STK26: variants seen among roughly 807,000 people sequenced by gnomAD.
STK26 encodes the protein serine/threonine kinase 26.
STK26 carries 14 observed loss-of-function variants against 34.7 expected under a neutral mutation model. The observed-to-expected ratio is 0.40, with a 90% confidence interval of 0.27 to 0.63. STK26 has a LOEUF of 0.63. Among genes scored for constraint, STK26 ranks in the 30% least tolerant of loss-of-function variants. The pLI is 0.38. For synonymous variants in STK26, 100 were observed against 109.8 expected, an observed-to-expected ratio of 0.91 and a Z score of 0.56; for missense variants, 226 against 309.1, an observed-to-expected ratio of 0.73 and a Z score of 2.02.
chrX:132,056,423 GT>G (rs1179002424), intron 3 of STK26, among the ~76,000 whole-genome samples: 1 of 112,090 alleles, frequency 8.9e-6, no homozygotes, highest in African/African-American at 3.2e-5. Context: ...TGAGATTAGT[GT>G]TGACAAAGAT....
chrX:132,038,112 T>A (rs1320924553), intron 2 of STK26, among the ~76,000 whole-genome samples: 2 of 110,991 alleles, frequency 1.8e-5, no homozygotes, highest in Non-Finnish European at 3.8e-5. Context: ...AGAGGATTAC[T>A]GCTGCCTCAT....
At chrX:132,057,500 G>C (rs1466322448) in intron 3 of STK26, among the ~76,000 whole-genome samples, 2 of 111,024 alleles carry the variant, frequency 1.8e-5, no homozygotes, top group African/African-American at 6.6e-5. Flanking sequence ...TTGTTAAATA[G>C]GCCCTTGAAT....
chrX:132,023,510 C>A lies in STK26; in HGVS notation c.-108C>A, dbSNP rs1481754299. The A allele has an allele frequency of 4.1e-6, 4 of 984,479 alleles. No homozygotes were observed. The highest frequency in any genetic ancestry group is 1.9e-5 in the African/African-American group (1 of 52,672). 81.1% of individuals were successfully genotyped at this position (984,479 alleles called of 1,213,427 possible). The stretch of plus-strand genomic sequence containing the variant: ...CCCACTTTTGTGTGTCCTCCCAGGC[C>A]CCGATCGAAAAGCCTGGGAGGGCCG... On this transcript the variant is annotated splice_region_variant and 5_prime_UTR_variant, in exon 2 of 12. Transcript: ENST00000394334.
chrX:132,030,555 C>T (rs780030813), intron 2 of STK26, among the ~76,000 whole-genome samples: 1 of 111,872 alleles, frequency 8.9e-6, no homozygotes, highest in Non-Finnish European at 1.9e-5. Flanking sequence ...TGGATATTCA[C>T]ATTTTACAGA....
chrX:132,037,769 C>CTTTTTTGTTTTTT (rs1926107976), intron 2 of STK26, among the ~76,000 whole-genome samples: 1 of 51,868 alleles, frequency 1.9e-5, no homozygotes, highest in African/African-American at 8.8e-5. Flanking sequence ...CGGAGAGCTG[C>CTTTTTTGTTTTTT]TTTTTTTTTT....
At chrX:132,047,098 A>T (rs952452080) in intron 2 of STK26, among the ~76,000 whole-genome samples, 7 of 112,311 alleles carry the variant, frequency 6.2e-5, no homozygotes, top group African/African-American at 2.3e-4. Flanking sequence ...ATATACAGAC[A>T]TACTTAATTT....
intron 2 of STK26, among the ~76,000 whole-genome samples, chrX:132,042,701 A>G (rs910003015): frequency 4.9e-4 from 55 of 111,669 alleles, no homozygotes; most frequent in African/African-American, 1.8e-3. Flanking sequence ...ACTTTGGGAA[A>G]ATGAAAAGGT....
chrX:132,057,659 G>A (rs1926904226), intron 3 of STK26, among the ~76,000 whole-genome samples: 1 of 111,271 alleles, frequency 9.0e-6, no homozygotes, highest in Non-Finnish European at 1.9e-5. Flanking sequence ...ATCTATATTG[G>A]TTAATACTGA....
chrX:132,055,572 G>C, intron 3 of STK26: 6 of 992,954 alleles, frequency 6.0e-6, no homozygotes, highest in Non-Finnish European at 6.9e-6. Flanking sequence ...GTCAGGATTC[G>C]TGTCTGTTGA....
rs372220712 is a variant in STK26 at position 132,068,209 on chromosome X, C to G, written c.331-6C>G. The stretch of plus-strand genomic sequence containing the variant: ...GTGTATGTGTGTGTGTGTTTTTCCC[C>G]TTAAGCTTCGAGCTGGTCCATTTGA... On this transcript the variant is annotated splice_polypyrimidine_tract_variant and splice_region_variant and intron_variant, in intron 4 of 11. Transcript: ENST00000394334. The G allele has an allele frequency of 4.3e-5, 51 of 1,184,735 alleles. No individual in the cohort carries two copies. The highest frequency in any genetic ancestry group is 9.7e-5 in the Admixed American group (4 of 41,035).
At chrX:132,037,769 C>CTTTTTTTTTTTTTTTTTTTTTTTTT (rs755403402) in intron 2 of STK26, among the ~76,000 whole-genome samples, 11 of 51,856 alleles carry the variant, frequency 2.1e-4, no homozygotes, top group African/African-American at 6.2e-4. Flanking sequence ...CGGAGAGCTG[C>CTTTTTTTTTTTTTTTTTTTTTTTTT]TTTTTTTTTT....
At chrX:132,056,877 A>C (rs1926877664) in intron 3 of STK26, among the ~76,000 whole-genome samples, 1 of 112,504 alleles carries the variant, frequency 8.9e-6, no homozygotes, top group African/African-American at 3.2e-5. Flanking sequence ...GAGCTAGCTC[A>C]CTATGGCAGT....
chrX:132,028,250 C>G (rs1337546662), intron 2 of STK26, among the ~76,000 whole-genome samples: 1 of 108,970 alleles, frequency 9.2e-6, no homozygotes, highest in Non-Finnish European at 1.9e-5. Flanking sequence ...ATGTTTAGTA[C>G]TATGAAGAAA....
chrX:132,070,932 C>G, intron 7 of STK26, 137 bp from the exon 8 acceptor site: 1 of 599,362 alleles, frequency 1.7e-6, no homozygotes, highest in African/African-American at 2.3e-5. Context: ...TTTCCTACAG[C>G]ATTTTAGTTG....
At chrX:132,069,781 C>A in intron 7 of STK26, 118 bp downstream of exon 7, 1 of 418,616 alleles carries the variant, frequency 2.4e-6, no homozygotes, top group Non-Finnish European at 3.5e-6. Flanking sequence ...AAGATCCATC[C>A]AGGAACCTGG....
At chrX:132,045,895 A>G (rs1012485191) in intron 2 of STK26, among the ~76,000 whole-genome samples, 1 of 112,456 alleles carries the variant, frequency 8.9e-6, no homozygotes, top group African/African-American at 3.2e-5. Context: ...GTTGAACAAA[A>G]TAATCTGACG....
chrX:132,046,964 C>T (rs953383025), intron 2 of STK26, among the ~76,000 whole-genome samples: 1 of 112,119 alleles, frequency 8.9e-6, no homozygotes. Context: ...AAGCTAATAA[C>T]ATTTTCATTG....
intron 2 of STK26, among the ~76,000 whole-genome samples, chrX:132,036,715 C>T (rs1926065248): frequency 9.0e-6 from 1 of 111,715 alleles, no homozygotes; most frequent in Non-Finnish European, 1.9e-5. Flanking sequence ...TACCTTATAC[C>T]TTACACTTCA....
At chrX:132,055,404 A>G in intron 3 of STK26, 3 of 1,000,140 alleles carry the variant, frequency 3.0e-6, no homozygotes, top group Non-Finnish European at 4.1e-6. Context: ...AATTAAGTGG[A>G]ATAACATCTG....
Sources: allele counts gnomAD v4.1 joint callset (sites outside exome capture counted in the v4.1 genomes callset), GRCh38; gene constraint gnomAD v4.1.1; transcripts MANE v1.5; gene names NCBI Gene and HGNC (gene_info 2026-07-23, HGNC 2026-07-21).